The following MKLN1 variants were observed in gnomAD, a reference collection of about 807,000 sequenced individuals.
MKLN1 encodes the protein muskelin.
In MKLN1, 18 loss-of-function variants were observed where a neutral mutation model predicts 99.0. The observed-to-expected ratio is 0.18, with a 90% CI of 0.13 to 0.27. MKLN1 has a LOEUF of 0.27. MKLN1 is among the 10% of genes least tolerant of loss of function. MKLN1 has a pLI of 1.00. For missense variants in MKLN1, 621 were observed against 875.9 expected (o/e 0.71, Z 3.67); for synonymous variants, 288 against 293.2 (o/e 0.98, Z 0.18).
chr7:131,216,535 G>A (rs543565457), intron 3 of MKLN1, among the ~76,000 whole-genome samples: 2 of 152,146 alleles, frequency 1.3e-5, no homozygotes, highest in South Asian at 2.1e-4. Context: ...AGAGCTGAGC[G>A]AGTGCCTCAA....
intron 2 of MKLN1, among the ~76,000 whole-genome samples, chr7:131,183,683 T>C (rs1362037048): frequency 2.0e-5 from 3 of 152,188 alleles, no homozygotes; most frequent in African/African-American, 7.2e-5. Context: ...TGCCTGAGAA[T>C]AGTGGTCAAC....
intron 1 of MKLN1, among the ~76,000 whole-genome samples, chr7:131,133,631 C>T (rs1320377963): frequency 1.3e-5 from 2 of 151,010 alleles, no homozygotes; most frequent in South Asian, 2.1e-4. Flanking sequence ...GGATTATAGG[C>T]GTGAGCCACC....
intron 16 of MKLN1, among the ~76,000 whole-genome samples, chr7:131,476,014 CAG>C (rs2116664043): frequency 6.6e-6 from 1 of 152,068 alleles, no homozygotes; most frequent in East Asian, 1.9e-4. Flanking sequence ...AAAAAAAATT[CAG>C]TGTAATTCAC....
At chr7:131,201,443 A>G (rs1796727012) in intron 2 of MKLN1, among the ~76,000 whole-genome samples, 1 of 152,242 alleles carries the variant, frequency 6.6e-6, no homozygotes, top group Admixed American at 6.5e-5. Flanking sequence ...ACATGATCAT[A>G]TCTCTTCATG....
At chr7:131,180,699 A>C (rs78931321) in intron 2 of MKLN1, among the ~76,000 whole-genome samples, 80 of 40,988 alleles carry the variant, frequency 2.0e-3, no homozygotes, top group African/African-American at 5.3e-3. Flanking sequence ...ACTTGGTCTC[A>C]AAAAAAAAAA....
At chr7:131,262,444 A>G (rs2116538786) in intron 3 of MKLN1, among the ~76,000 whole-genome samples, 1 of 152,270 alleles carries the variant, frequency 6.6e-6, no homozygotes, top group South Asian at 2.1e-4. Flanking sequence ...CTCAAAAATA[A>G]AAGAAAAGAA....
At chr7:131,185,791 C>G (rs966975589) in intron 2 of MKLN1, among the ~76,000 whole-genome samples, 1 of 152,098 alleles carries the variant, frequency 6.6e-6, no homozygotes, top group Non-Finnish European at 1.5e-5. Flanking sequence ...ACCAGCTACC[C>G]CATAAAGTTG....
chr7:131,411,807 TG>T (rs1278299430), intron 7 of MKLN1, among the ~76,000 whole-genome samples: 1 of 144,830 alleles, frequency 6.9e-6, no homozygotes, highest in Non-Finnish European at 1.5e-5. Context: ...CTCGGGAGGC[TG>T]GGGTAGGAGA....
intron 3 of MKLN1, among the ~76,000 whole-genome samples, chr7:131,213,143 A>G (rs919824662): frequency 1.3e-5 from 2 of 151,994 alleles, no homozygotes; most frequent in African/African-American, 4.8e-5. Flanking sequence ...CTTTTATATT[A>G]TACATATATA....
chr7:131,198,225 C>G (rs1796677531), intron 2 of MKLN1, among the ~76,000 whole-genome samples: 1 of 152,204 alleles, frequency 6.6e-6, no homozygotes, highest in Non-Finnish European at 1.5e-5. Context: ...CTTTGTTGCT[C>G]TGACACCTGT....
chr7:131,164,840 G>A (rs750418857), intron 2 of MKLN1, among the ~76,000 whole-genome samples: 1 of 152,190 alleles, frequency 6.6e-6, no homozygotes, highest in Non-Finnish European at 1.5e-5. Context: ...GAACAAATTG[G>A]CAACAAGGCC....
intron 3 of MKLN1, among the ~76,000 whole-genome samples, chr7:131,207,434 G>A (rs1796830441): frequency 6.6e-6 from 1 of 152,142 alleles, no homozygotes; most frequent in Non-Finnish European, 1.5e-5. Context: ...CTGGCCTCAA[G>A]TGATCCGCCC....
intron 3 of MKLN1, among the ~76,000 whole-genome samples, chr7:131,304,983 C>A (rs1798433267): frequency 6.6e-6 from 1 of 152,158 alleles, no homozygotes; most frequent in African/African-American, 2.4e-5. Context: ...GCCCTTCCAT[C>A]CTTTCCACCA....
intron 9 of MKLN1, among the ~76,000 whole-genome samples, chr7:131,437,100 G>A (rs1377305690): frequency 1.3e-5 from 2 of 151,774 alleles, no homozygotes; most frequent in Non-Finnish European, 2.9e-5. Context: ...ATACTCTTAA[G>A]TTCTAGGGTA....
chr7:131,329,315 GC>G (rs1479399359), intron 1 of MKLN1, among the ~76,000 whole-genome samples: 1 of 152,200 alleles, frequency 6.6e-6, no homozygotes, highest in Non-Finnish European at 1.5e-5. Context: ...AATGAAGGGT[GC>G]CAAGTGACCT....
At chr7:131,393,367 G>A (rs980793374) in intron 4 of MKLN1, among the ~76,000 whole-genome samples, 4 of 152,140 alleles carry the variant, frequency 2.6e-5, no homozygotes, top group African/African-American at 4.8e-5. Context: ...AATCACTGGC[G>A]TTTGAAGTGA....
At chr7:131,130,693 TA>T (rs1795536094) in intron 1 of MKLN1, among the ~76,000 whole-genome samples, 1 of 152,202 alleles carries the variant, frequency 6.6e-6, no homozygotes, top group African/African-American at 2.4e-5. Flanking sequence ...GTATTATTAG[TA>T]GATGAAATGT....
chr7:131,478,595 C>CTT (rs3080645), intron 16 of MKLN1, 28 bp from the exon 17 acceptor site: 305,952 of 1,146,216 alleles, frequency 0.27, 11,552 homozygotes, highest in East Asian at 0.33. Context: ...TTTGCTGCTT[C>CTT]TTTTTTTTTT....
intron 12 of MKLN1, among the ~76,000 whole-genome samples, chr7:131,446,155 G>A (rs1020996013): frequency 1.2e-4 from 19 of 152,014 alleles, no homozygotes; most frequent in Admixed American, 1.2e-3. Flanking sequence ...GTTGGGGGGC[G>A]GGGTAGGAAG....
Sources: allele counts gnomAD v4.1 joint callset (sites outside exome capture counted in the v4.1 genomes callset), GRCh38; gene constraint gnomAD v4.1.1; transcripts MANE v1.5; gene names NCBI Gene and HGNC (gene_info 2026-07-23, HGNC 2026-07-21).